TBC1D30: variants seen among roughly 807,000 people sequenced by gnomAD.
The protein encoded by TBC1D30 is TBC1 domain family member 30.
TBC1D30 carries 31 observed loss-of-function variants against 63.2 expected under a neutral mutation model. That is an observed-to-expected ratio of 0.49 (90% CI 0.37 to 0.66). TBC1D30 has a LOEUF of 0.66. Ranked by LOEUF, TBC1D30 falls within the 30% of genes least tolerant of loss-of-function variation. The pLI, the probability that TBC1D30 is intolerant of heterozygous loss-of-function variation, is 0.00. For synonymous variants in TBC1D30, 307 were observed against 361.5 expected (o/e 0.85, Z 1.71); for missense variants, 810 against 953.6 (o/e 0.85, Z 1.98).
chr12:64,877,515 C>A lies in TBC1D30; in HGVS notation c.*1727C>A, dbSNP rs1371347700. ...TTATCTTCTTCGTGGTATTTTTACC[C>A]CCAAAGGAACTGAAGATGGAAAATA... is the stretch of plus-strand genomic sequence containing the variant. On this transcript the variant is annotated 3_prime_UTR_variant, in exon 12 of 12. Coordinates refer to ENST00000539867, the MANE Select transcript of TBC1D30 (RefSeq NM_015279.2). 1 of 152,120 alleles carries A rather than the reference C, an allele frequency of 6.6e-6. No individual in the cohort carries two copies. Among genetic ancestry groups the A allele is most frequent in the Non-Finnish European group, 1.5e-5 (1 of 68,052 alleles). 9.4% of individuals were successfully genotyped at this position (152,120 alleles called of 1,614,324 possible).
chr12:64,802,162 G>A (rs1299521706), intron 2 of TBC1D30, among the ~76,000 whole-genome samples: 1 of 152,128 alleles, frequency 6.6e-6, no homozygotes, highest in Non-Finnish European at 1.5e-5. Context: ...TTTTGGTTCT[G>A]TCCAGTATTG....
Position 64,828,522 on chromosome 12 carries a change from C to T in TBC1D30, c.282+13C>T, listed in dbSNP as rs1016817999. On this transcript the variant is annotated intron_variant, in intron 3 of 11. Coordinates refer to ENST00000539867, the MANE Select transcript of TBC1D30 (RefSeq NM_015279.2). ...ATGGAGGAGAAAGGTAAGGAGGACT[C>T]ATAGGGCTAGAATACAGAAGGATCA... is the stretch of plus-strand genomic sequence containing the variant. 9.2e-6 allele frequency: 14 copies of T among 1,522,126 alleles called. No homozygotes were observed. The African/African-American group carries it at 9.6e-5, about 10-fold the overall frequency. The allele number at this position is 1,522,126 out of a possible 1,614,324, so 94.3% of individuals were successfully genotyped here.
intron 2 of TBC1D30, among the ~76,000 whole-genome samples, chr12:64,786,950 AAAAT>A (rs1282949643): frequency 5.9e-5 from 9 of 151,896 alleles, no homozygotes; most frequent in East Asian, 1.9e-4. Context: ...TCTCAAAAAA[AAAAT>A]AAATAAATAA....
Position 64,880,380 on chromosome 12 carries a change from C to T in TBC1D30, c.*4592C>T, listed in dbSNP as rs1879383516. On this transcript the variant is annotated 3_prime_UTR_variant, in exon 12 of 12. Transcript: ENST00000539867. ...TAGACTGAGGTGGCTTAAACACAGA[C>T]ATTTCTTTCTCACAGTTCTGGAGGC... 1 of 152,230 alleles carries T rather than the reference C, an allele frequency of 6.6e-6. No homozygotes were observed. The highest frequency in any genetic ancestry group is 6.5e-5 in the Admixed American group (1 of 15,282). The allele number at this position is 152,230 out of a possible 1,614,324, so 9.4% of individuals were successfully genotyped here.
chr12:64,840,617 G>C (rs1179388656), intron 7 of TBC1D30, among the ~76,000 whole-genome samples: 1 of 152,144 alleles, frequency 6.6e-6, no homozygotes, highest in Admixed American at 6.6e-5. Context: ...ACGCACTGTT[G>C]TCATCTCCAT....
At chr12:64,818,439 TA>T (rs1193764315) in intron 2 of TBC1D30, 2 of 978,694 alleles carry the variant, frequency 2.0e-6, no homozygotes, top group Non-Finnish European at 2.4e-6. Flanking sequence ...AACTGTAAAC[TA>T]TTTTTTTTTT....
chr12:64,805,991 T>G (rs1455369672), intron 2 of TBC1D30, among the ~76,000 whole-genome samples: 1 of 152,124 alleles, frequency 6.6e-6, no homozygotes, highest in East Asian at 1.9e-4. Context: ...TAAAAAAAAT[T>G]AGTTGCAATT....
At chr12:64,806,457 A>G (rs560209673) in intron 2 of TBC1D30, among the ~76,000 whole-genome samples, 1 of 152,322 alleles carries the variant, frequency 6.6e-6, no homozygotes, top group African/African-American at 2.4e-5. Context: ...AGAGAGTTGA[A>G]TAAGATGCAT....
chr12:64,822,360 T>C (rs1429649753), upstream of TBC1D30, among the ~76,000 whole-genome samples: 2 of 152,120 alleles, frequency 1.3e-5, no homozygotes, highest in African/African-American at 4.8e-5. Context: ...TATTTTATTT[T>C]TGCAGAAACA....
At chr12:64,826,246 G>A (rs1471149856) in intron 1 of TBC1D30, among the ~76,000 whole-genome samples, 1 of 152,122 alleles carries the variant, frequency 6.6e-6, no homozygotes. Context: ...TGCAGGCGGC[G>A]AATCAATTTC....
At chr12:64,824,496 G>C (rs1874107218), upstream of TBC1D30, 1 of 195,852 alleles carries the variant, frequency 5.1e-6, no homozygotes, top group Non-Finnish European at 1.0e-5. Context: ...CTGGCTCCCT[G>C]TCTCTGGCGC....
intron 1 of TBC1D30, among the ~76,000 whole-genome samples, chr12:64,772,708 G>A (rs749740553): frequency 7.2e-5 from 11 of 152,252 alleles, no homozygotes; most frequent in Non-Finnish European, 7.4e-5. Context: ...GATTACAGGC[G>A]TGAGCCACTG....
chr12:64,806,380 A>G (rs1179087085), intron 2 of TBC1D30, among the ~76,000 whole-genome samples: 1 of 152,232 alleles, frequency 6.6e-6, no homozygotes, highest in East Asian at 1.9e-4. Context: ...CAATAATGAA[A>G]TTTGAGATCC....
chr12:64,840,004 CAAAAA>C (rs60440376), intron 7 of TBC1D30, among the ~76,000 whole-genome samples: 55,344 of 97,770 alleles, frequency 0.57, 12,789 homozygotes, highest in East Asian at 0.75. Flanking sequence ...GACTCTGTCT[CAAAAA>C]AAAAAAAAAA....
chr12:64,875,782 A>C lies in TBC1D30; in HGVS notation c.2280A>C (p.Lys760Asn). Reference sequence around the variant, plus strand: ...GCGGTGGAAACAGTGGCACTAAAAAACGATGATGTCTCCCCGAAACTTTGT... The same window carrying C: ...GCGGTGGAAACAGTGGCACTAAAAACCGATGATGTCTCCCCGAAACTTTGT... ...KPGGGNSGTK[K>N]R Residue 760 changes from lysine to asparagine, a missense_variant, in exon 12 of 12, where the codon AAA (lysine) becomes AAC (asparagine). Transcript: ENST00000539867. The C allele has an allele frequency of 6.5e-7, 1 of 1,528,378 alleles. No homozygotes were observed. Among genetic ancestry groups the C allele is most frequent in the Non-Finnish European group, 8.7e-7 (1 of 1,143,184 alleles). 94.7% of individuals were successfully genotyped at this position (1,528,378 alleles called of 1,614,324 possible).
At chr12:64,843,592 C>T (rs573279053) in intron 8 of TBC1D30, 107 bp downstream of exon 8, 2 of 754,588 alleles carry the variant, frequency 2.7e-6, no homozygotes, top group Admixed American at 5.1e-5. Flanking sequence ...AGCTGTCAGA[C>T]TTAGTTTCTC....
At chr12:64,826,644 G>A (rs1874380409) in intron 1 of TBC1D30, among the ~76,000 whole-genome samples, 1 of 152,078 alleles carries the variant, frequency 6.6e-6, no homozygotes, top group Admixed American at 6.5e-5. Context: ...TCAGAGAGAG[G>A]CGGATCCATG....
chr12:64,873,503 C>T lies in TBC1D30; in HGVS notation c.1499-1498C>T, dbSNP rs1395519092. 2.6e-5 allele frequency among the ~76,000 whole-genome samples: 4 copies of T among 151,862 alleles called. 1 individual carries two copies. In the South Asian group the frequency reaches 6.2e-4, roughly 24 times the overall value. The stretch of plus-strand genomic sequence containing the variant: ...GATGCCTGTGAGGGAGTGATCTAAG[C>T]GGTCAGCCATGCATCTGGCAGGGTA... On this transcript the variant is annotated intron_variant, in intron 11 of 11. Coordinates refer to ENST00000539867, the MANE Select transcript of TBC1D30 (RefSeq NM_015279.2).
upstream of TBC1D30, among the ~76,000 whole-genome samples, chr12:64,777,758 T>A (rs145945159): frequency 3.1e-4 from 47 of 152,300 alleles, no homozygotes; most frequent in East Asian, 8.9e-3. Context: ...AAAAAACTAT[T>A]TTAAAATTCA....
Sources: gnomAD v4.1 joint callset for allele counts (sites outside exome capture counted in the v4.1 genomes callset) on GRCh38, gnomAD v4.1.1 for gene constraint, MANE v1.5 for transcripts, NCBI Gene and HGNC (gene_info 2026-07-23, HGNC 2026-07-21) for gene names.